NAALADL2: variants seen among roughly 807,000 people sequenced by gnomAD.
The protein encoded by NAALADL2 is inactive N-acetylated-alpha-linked acidic dipeptidase-like protein 2.
In NAALADL2, 76 loss-of-function variants were observed where a neutral mutation model predicts 87.2. The observed-to-expected ratio is 0.87, with a 90% CI of 0.72 to 1.05. NAALADL2 has a LOEUF of 1.05. Ranked by LOEUF, NAALADL2 falls within the 50% of genes least tolerant of loss-of-function variation. NAALADL2 has a pLI of 0.00. For missense variants in NAALADL2, 1,089 were observed against 945.8 expected, an observed-to-expected ratio of 1.15 and a Z score of -1.99; for synonymous variants, 354 against 331.0, an observed-to-expected ratio of 1.07 and a Z score of -0.75.
intron 1 of NAALADL2, among the ~76,000 whole-genome samples, chr3:175,007,340 CA>C (rs1325259651): frequency 6.6e-6 from 1 of 152,012 alleles, no homozygotes; most frequent in Non-Finnish European, 1.5e-5. Flanking sequence ...ATAGATTTAC[CA>C]GTAGGCTATA....
At chr3:175,705,045 G>T (rs1042716922) in intron 11 of NAALADL2, among the ~76,000 whole-genome samples, 3 of 152,130 alleles carry the variant, frequency 2.0e-5, no homozygotes, top group Non-Finnish European at 4.4e-5. Flanking sequence ...CATCCCAGAT[G>T]GAGAGCACAA....
chr3:175,568,344 A>G (rs1717539672), intron 9 of NAALADL2, among the ~76,000 whole-genome samples: 1 of 152,198 alleles, frequency 6.6e-6, no homozygotes, highest in South Asian at 2.1e-4. Flanking sequence ...TACATGGCAC[A>G]CACAGTAAAT....
intron 3 of NAALADL2, among the ~76,000 whole-genome samples, chr3:174,848,021 ACTT>A (rs1314488271): frequency 3.7e-5 from 5 of 135,944 alleles, no homozygotes; most frequent in African/African-American, 5.7e-5. Context: ...TTTTTTTTTT[ACTT>A]CTTTGCTCCT....
At chr3:174,487,313 A>G (rs1476921340) in intron 1 of NAALADL2, among the ~76,000 whole-genome samples, 2 of 152,048 alleles carry the variant, frequency 1.3e-5, no homozygotes, top group Admixed American at 6.6e-5. Flanking sequence ...TCTCTAATTA[A>G]TACATCACTG....
intron 3 of NAALADL2, among the ~76,000 whole-genome samples, chr3:174,750,927 C>T (rs965322225): frequency 6.6e-6 from 1 of 152,058 alleles, no homozygotes; most frequent in Non-Finnish European, 1.5e-5. Flanking sequence ...ATGTTTGATT[C>T]CAGTCAGCCC....
chr3:174,821,713 C>G (rs1721442499), intron 3 of NAALADL2, among the ~76,000 whole-genome samples: 1 of 152,102 alleles, frequency 6.6e-6, no homozygotes, highest in Admixed American at 6.6e-5. Flanking sequence ...CTTCTCAGAG[C>G]CTTCTGTGTT....
chr3:175,211,172 A>G (rs1018285053), intron 2 of NAALADL2, among the ~76,000 whole-genome samples: 2 of 151,896 alleles, frequency 1.3e-5, no homozygotes, highest in South Asian at 2.1e-4. Context: ...CATTGCTTCA[A>G]TCTAAAGTGA....
intron 2 of NAALADL2, among the ~76,000 whole-genome samples, chr3:175,114,014 C>T (rs1706844855): frequency 6.6e-6 from 1 of 151,588 alleles, no homozygotes; most frequent in African/African-American, 2.4e-5. Context: ...TCAAGTTTGT[C>T]AGGTCTTAGT....
intron 1 of NAALADL2, among the ~76,000 whole-genome samples, chr3:174,528,391 A>G (rs1295780135): frequency 3.3e-5 from 5 of 152,178 alleles, no homozygotes; most frequent in African/African-American, 9.7e-5. Flanking sequence ...GCACTTTGAG[A>G]GGCCAAGGCA....
At chr3:175,797,625 G>T (rs982258650) in intron 13 of NAALADL2, among the ~76,000 whole-genome samples, 5 of 151,984 alleles carry the variant, frequency 3.3e-5, no homozygotes, top group African/African-American at 1.2e-4. Flanking sequence ...CTGGCTATTG[G>T]TCAGTTCCTA....
chr3:175,743,331 G>T (rs554962648), intron 12 of NAALADL2, among the ~76,000 whole-genome samples: 4 of 152,150 alleles, frequency 2.6e-5, no homozygotes, highest in Non-Finnish European at 5.9e-5. Flanking sequence ...GGCTTCAGGG[G>T]AGAGGGCCAG....
At chr3:175,775,123 T>C (rs957955610) in intron 13 of NAALADL2, 5 of 150,556 alleles carry the variant, frequency 3.3e-5, no homozygotes, top group Non-Finnish European at 5.9e-5. Context: ...AATTCTCCAT[T>C]ACCCCAACTG....
chr3:174,933,363 C>T (rs1300765672), intron 1 of NAALADL2, among the ~76,000 whole-genome samples: 1 of 152,148 alleles, frequency 6.6e-6, no homozygotes, highest in East Asian at 1.9e-4. Flanking sequence ...CTCTGTGTTT[C>T]ATGAGCTGTG....
intron 2 of NAALADL2, among the ~76,000 whole-genome samples, chr3:175,148,403 T>C (rs1009675760): frequency 1.3e-5 from 2 of 152,084 alleles, no homozygotes; most frequent in African/African-American, 4.8e-5. Flanking sequence ...CTGTTGATTT[T>C]GTTGATAGTT....
rs146077929 is a variant in NAALADL2 at position 174,771,867 on chromosome 3, G to A, written c.-9+34121G>A. On this transcript the variant is annotated intron_variant, in intron 3 of 3. Transcript: ENST00000434257. ...GGGTAAAACTGACAATGACTAACTG[G>A]CTTTGAAAAGTGATGGAGAAATAAG... is the stretch of plus-strand genomic sequence containing the variant. Among the ~76,000 whole-genome samples the A allele has an allele frequency of 6.3e-3, 952 of 152,224 alleles. 9 individuals are homozygous for A. Among genetic ancestry groups the A allele is most frequent in the Middle Eastern group, 0.027 (8 of 294 alleles).
intron 1 of NAALADL2, among the ~76,000 whole-genome samples, chr3:174,955,385 T>G (rs1741007397): frequency 6.6e-6 from 1 of 152,126 alleles, no homozygotes; most frequent in African/African-American, 2.4e-5. Context: ...CTCAGTGTTT[T>G]AAAACAACAA....
At chr3:174,574,714 T>G (rs919903259) in intron 2 of NAALADL2, among the ~76,000 whole-genome samples, 1 of 152,122 alleles carries the variant, frequency 6.6e-6, no homozygotes, top group South Asian at 2.1e-4. Flanking sequence ...ATATTCCCTA[T>G]AGAAGCAAAT....
At chr3:174,509,146 T>A (rs1719416291) in intron 1 of NAALADL2, among the ~76,000 whole-genome samples, 1 of 151,970 alleles carries the variant, frequency 6.6e-6, no homozygotes, top group Non-Finnish European at 1.5e-5. Context: ...GGCTTATGTG[T>A]CCAGTACAAT....
At chr3:175,600,662 C>CGA (rs1404035924) in intron 10 of NAALADL2, among the ~76,000 whole-genome samples, 2 of 150,346 alleles carry the variant, frequency 1.3e-5, no homozygotes, top group African/African-American at 4.9e-5. Context: ...CTCAGCCTCC[C>CGA]GAGTAGCTGG....
Sources: gnomAD v4.1 joint callset for allele counts (sites outside exome capture counted in the v4.1 genomes callset) on GRCh38, gnomAD v4.1.1 for gene constraint, MANE v1.5 for transcripts, NCBI Gene and HGNC (gene_info 2026-07-23, HGNC 2026-07-21) for gene names.